The following ST3GAL3 variants were observed in gnomAD, a reference collection of about 807,000 sequenced individuals.
ST3GAL3 encodes ST3 beta-galactoside alpha-2,3-sialyltransferase 3, also known as CMP-N-acetylneuraminate-beta-1,4-galactoside alpha-2,3-sialyltransferase.
A neutral mutation model predicts 50.1 loss-of-function variants in ST3GAL3; 21 were observed. The observed-to-expected ratio is 0.42, with a 90% CI of 0.30 to 0.60. ST3GAL3 has a LOEUF of 0.60. Ranked by LOEUF, ST3GAL3 falls within the 20% of genes least tolerant of loss-of-function variation. The pLI, the probability that ST3GAL3 is intolerant of heterozygous loss-of-function variation, is 0.19. For synonymous variants in ST3GAL3, 183 were observed against 190.0 expected (o/e 0.96, Z 0.30); for missense variants, 353 against 489.4 (o/e 0.72, Z 2.63).
At chr1:43,738,804 G>C (rs1203691918) in intron 2 of ST3GAL3, 1 of 151,916 alleles carries the variant, frequency 6.6e-6, no homozygotes, top group East Asian at 1.9e-4. Flanking sequence ...GGCCGGAGAG[G>C]AGTCCTTTAC....
intron 1 of ST3GAL3, among the ~76,000 whole-genome samples, chr1:43,715,202 A>G (rs546280422): frequency 6.6e-6 from 1 of 152,190 alleles, no homozygotes; most frequent in Non-Finnish European, 1.5e-5. Context: ...AGTATTCCCA[A>G]ATAACTTTCA....
intron 3 of ST3GAL3, among the ~76,000 whole-genome samples, chr1:43,797,082 G>C (rs1474571910): frequency 6.6e-6 from 1 of 152,160 alleles, no homozygotes; most frequent in Non-Finnish European, 1.5e-5. Context: ...CAGCTACTTG[G>C]GAGGCTGAGG....
chr1:43,771,813 A>T (rs1184991800), intron 2 of ST3GAL3: 1 of 391,514 alleles, frequency 2.6e-6, no homozygotes, highest in East Asian at 3.6e-5. Flanking sequence ...TATAGTTGTG[A>T]TGCTTATAGT....
intron 1 of ST3GAL3, chr1:43,716,669 A>G (rs565043497): frequency 1.3e-5 from 2 of 152,280 alleles, no homozygotes; most frequent in Admixed American, 6.5e-5. Context: ...CACACTCTAC[A>G]CTGTGGAATT....
At chr1:43,717,307 G>C (rs79570563) in intron 1 of ST3GAL3, among the ~76,000 whole-genome samples, 2,023 of 152,234 alleles carry the variant, frequency 0.013, 51 homozygotes, top group African/African-American at 0.047. Flanking sequence ...GGCATAGCTG[G>C]TAGCATAGTT....
chr1:43,830,476 T>G (rs1193194705), intron 4 of ST3GAL3, among the ~76,000 whole-genome samples: 2 of 152,246 alleles, frequency 1.3e-5, no homozygotes, highest in Non-Finnish European at 2.9e-5. Flanking sequence ...TACACTGGTT[T>G]GTACTGTGGC....
At position 43,708,721 on chromosome 1, in the gene ST3GAL3, G is replaced by A. The variant is rs527548806; in HGVS notation, c.-31+1028G>A. Among the ~76,000 whole-genome samples, 3 of 152,312 alleles carry A rather than the reference G, an allele frequency of 2.0e-5. No individual in the cohort carries two copies. In the East Asian group the frequency reaches 5.8e-4, roughly 29 times the overall value. ...GATTAGAGATTCTTAAGGATATTTT[G>A]AGATATTAAGTGGTGAATCTCTCCA... On this transcript the variant is annotated intron_variant, in intron 1 of 11. Transcript: ENST00000347631.
chr1:43,759,942 AC>A (rs1403665727), intron 2 of ST3GAL3, among the ~76,000 whole-genome samples: 1 of 152,162 alleles, frequency 6.6e-6, no homozygotes, highest in East Asian at 1.9e-4. Context: ...CATAGTGAGA[AC>A]CCATCTCAAA....
chr1:43,882,186 A>G (rs969989273), intron 5 of ST3GAL3, among the ~76,000 whole-genome samples: 9 of 152,238 alleles, frequency 5.9e-5, no homozygotes, highest in African/African-American at 1.2e-4. Flanking sequence ...GCTGCAGTCC[A>G]GTCTTGAGGA....
At chr1:43,731,209 A>AT (rs1242378456) in intron 1 of ST3GAL3, among the ~76,000 whole-genome samples, 17 of 151,226 alleles carry the variant, frequency 1.1e-4, no homozygotes, top group Admixed American at 1.1e-3. Flanking sequence ...CCTGAATAAT[A>AT]TTTTTTTATT....
chr1:43,882,156 G>A (rs1019999211), intron 5 of ST3GAL3, among the ~76,000 whole-genome samples: 3 of 152,230 alleles, frequency 2.0e-5, no homozygotes, highest in Non-Finnish European at 4.4e-5. Context: ...GCTCAGGGAA[G>A]ACCTCAGAGA....
rs181394408 is a variant in ST3GAL3 at position 43,895,621 on chromosome 1, C to T, written c.397+1144C>T. Among the ~76,000 whole-genome samples the T allele has an allele frequency of 2.9e-3, 440 of 152,222 alleles. 2 individuals are homozygous for T. Among genetic ancestry groups the T allele is most frequent in the Non-Finnish European group, 4.9e-3 (334 of 68,012 alleles). The stretch of plus-strand genomic sequence containing the variant: ...GGTGATATCATTTGGCCAGGAGACT[C>T]AAGAATACCTGAACCCTCTACTCAG... On this transcript the variant is annotated intron_variant, in intron 6 of 11. Transcript: ENST00000347631.
intron 3 of ST3GAL3, among the ~76,000 whole-genome samples, chr1:43,813,324 A>G (rs2060788314): frequency 6.6e-6 from 1 of 152,166 alleles, no homozygotes; most frequent in Non-Finnish European, 1.5e-5. Flanking sequence ...GTAAGATAGG[A>G]TTGTTGAGAG....
chr1:43,790,885 C>T (rs1473478494), intron 2 of ST3GAL3, among the ~76,000 whole-genome samples: 1 of 152,102 alleles, frequency 6.6e-6, no homozygotes, highest in African/African-American at 2.4e-5. Context: ...ATCCACCCAC[C>T]TCAGCCTCCC....
chr1:43,769,525 T>C (rs1694288278), intron 2 of ST3GAL3, among the ~76,000 whole-genome samples: 1 of 152,052 alleles, frequency 6.6e-6, no homozygotes, highest in Non-Finnish European at 1.5e-5. Context: ...GGTTCCTGTG[T>C]TCGTTTCTTT....
intron 9 of ST3GAL3, among the ~76,000 whole-genome samples, chr1:43,900,098 C>G (rs1187180562): frequency 2.0e-5 from 3 of 152,124 alleles, no homozygotes; most frequent in African/African-American, 7.2e-5. Flanking sequence ...CCCAATCTTT[C>G]TACTTTCCTG....
chr1:43,778,894 G>A (rs1351299079), intron 2 of ST3GAL3, among the ~76,000 whole-genome samples: 4 of 151,904 alleles, frequency 2.6e-5, no homozygotes, highest in Non-Finnish European at 2.9e-5. Flanking sequence ...TGATCCACCC[G>A]CCTCGTCCTC....
chr1:43,792,744 C>T (rs574802686), intron 3 of ST3GAL3, among the ~76,000 whole-genome samples: 13 of 152,244 alleles, frequency 8.5e-5, no homozygotes, highest in Non-Finnish European at 1.6e-4. Flanking sequence ...GCCCCAAATT[C>T]ACCCAGACCC....
Position 43,716,245 on chromosome 1 carries a change from G to A in ST3GAL3, c.-31+8552G>A, listed in dbSNP as rs1667325931. On this transcript the variant is annotated intron_variant, in intron 1 of 11. Coordinates refer to ENST00000347631, the MANE Select transcript of ST3GAL3 (RefSeq NM_006279.5). ...GTGTGTATTTTTGGAGTATCTGCTA[G>A]GTGCCATACTGTTTACATTTGCCAT... 2.6e-5 allele frequency among the ~76,000 whole-genome samples: 4 copies of A among 152,306 alleles called. No homozygotes were observed. The South Asian group carries it at 8.3e-4, about 32-fold the overall frequency.
Sources: allele counts gnomAD v4.1 joint callset (sites outside exome capture counted in the v4.1 genomes callset), GRCh38; gene constraint gnomAD v4.1.1; transcripts MANE v1.5; gene names NCBI Gene and HGNC (gene_info 2026-07-23, HGNC 2026-07-21).